MBOAT1: variants seen among roughly 807,000 people sequenced by gnomAD.
MBOAT1 encodes membrane bound glycerophospholipid O-acyltransferase 1.
MBOAT1 carries 67 observed loss-of-function variants against 64.4 expected under a neutral mutation model. The ratio of observed to expected loss-of-function variants is 1.04; its 90% confidence interval spans 0.85 to 1.27. The LOEUF is 1.27. MBOAT1 is among the 50% of genes most tolerant of loss of function. The pLI, the probability that MBOAT1 is intolerant of heterozygous loss-of-function variation, is 0.00. For synonymous variants in MBOAT1, 229 were observed against 218.9 expected, an observed-to-expected ratio of 1.05 and a Z score of -0.41; for missense variants, 563 against 604.6, an observed-to-expected ratio of 0.93 and a Z score of 0.72.
chr6:20,119,804 G>A (rs1760439187), intron 8 of MBOAT1, among the ~76,000 whole-genome samples: 1 of 152,150 alleles, frequency 6.6e-6, no homozygotes, highest in Non-Finnish European at 1.5e-5. Context: ...GAACTAATTC[G>A]TGAGTGACAG....
In MBOAT1 at chr6:20,141,359, CTTTTTT is replaced by C. The variant is rs755615744; in HGVS notation, c.419+2855_419+2860del. 4.3e-3 allele frequency among the ~76,000 whole-genome samples: 434 copies of C among 99,820 alleles called. 1 individual carries two copies. The highest frequency in any genetic ancestry group is 0.013 in the African/African-American group (410 of 30,652). The allele number at this position is 99,820 out of a possible 152,430, so 65.5% of individuals were successfully genotyped here. A position where few individuals can be genotyped will look rare whatever the true frequency, so the allele number is the denominator to read the frequency against. ...CATTTTTTCTTTTCTTTTTCTTTTTCTTTTTTTTTTTTTTTTTTTTGACACAGGGTC... is the reference window on the plus strand; with the variant it reads ...CATTTTTTCTTTTCTTTTTCTTTTTCTTTTTTTTTTTTTTGACACAGGGTC... On this transcript the variant is annotated intron_variant, in intron 4 of 12. Coordinates refer to ENST00000324607, the MANE Select transcript of MBOAT1 (RefSeq NM_001080480.3).
intron 1 of MBOAT1, among the ~76,000 whole-genome samples, chr6:20,186,144 C>CTGTA (rs1333752324): frequency 2.6e-5 from 4 of 152,218 alleles, no homozygotes; most frequent in Non-Finnish European, 5.9e-5. Context: ...GATAGTGCCA[C>CTGTA]TGTACTCCAG....
chr6:20,170,062 C>T (rs1762145928), intron 1 of MBOAT1, among the ~76,000 whole-genome samples: 3 of 152,174 alleles, frequency 2.0e-5, no homozygotes, highest in Admixed American at 2.0e-4. Flanking sequence ...ATTCCCACAG[C>T]TGTCTTCTCT....
rs577024510 is a variant in MBOAT1 at position 20,198,074 on chromosome 6, A to C, written c.99+14062T>G. Among the ~76,000 whole-genome samples, 27 of 151,714 alleles carry C rather than the reference A, an allele frequency of 1.8e-4. No homozygotes were observed. In the South Asian group the frequency reaches 5.0e-3, roughly 28 times the overall value. On this transcript the variant is annotated intron_variant, in intron 1 of 12. Transcript: ENST00000324607. ...AACCCCATTTCTACTAAAAATACAA[A>C]AAAATTAGCCAGGCATGGTGGCAGG...
chr6:20,128,251 A>G (rs916332712), intron 6 of MBOAT1, among the ~76,000 whole-genome samples: 3 of 152,026 alleles, frequency 2.0e-5, no homozygotes, highest in Non-Finnish European at 4.4e-5. Context: ...TAACTCAGCT[A>G]TACTCACCTC....
intron 6 of MBOAT1, among the ~76,000 whole-genome samples, chr6:20,126,973 T>A (rs1760672881): frequency 6.6e-6 from 1 of 152,134 alleles, no homozygotes; most frequent in Non-Finnish European, 1.5e-5. Flanking sequence ...CAAGTGCAAC[T>A]CAGGCTGGGA....
intron 1 of MBOAT1, among the ~76,000 whole-genome samples, chr6:20,180,947 C>T (rs1454265917): frequency 6.6e-6 from 1 of 152,126 alleles, no homozygotes; most frequent in African/African-American, 2.4e-5. Context: ...TGACCAGGAA[C>T]CAGTTTGATT....
chr6:20,135,207 AT>A (rs1034992450), intron 4 of MBOAT1, among the ~76,000 whole-genome samples: 11 of 151,986 alleles, frequency 7.2e-5, no homozygotes, highest in African/African-American at 2.4e-4. Context: ...TGTCCTATAC[AT>A]TTTTTTCATT....
chr6:20,106,080 C>T (rs566927005), intron 12 of MBOAT1, among the ~76,000 whole-genome samples: 2 of 152,292 alleles, frequency 1.3e-5, no homozygotes, highest in African/African-American at 4.8e-5. Flanking sequence ...AAAGGGTTTG[C>T]ATACAACTGT....
intron 1 of MBOAT1, among the ~76,000 whole-genome samples, chr6:20,159,617 G>A (rs938929538): frequency 9.2e-5 from 14 of 152,078 alleles, no homozygotes; most frequent in Non-Finnish European, 5.9e-5. Context: ...ACCAGAGGCT[G>A]GGGGTGGAAG....
intron 4 of MBOAT1, among the ~76,000 whole-genome samples, chr6:20,142,480 C>T (rs979158217): frequency 8.5e-5 from 13 of 152,112 alleles, no homozygotes; most frequent in Admixed American, 8.5e-4. Context: ...GAGACGGTCT[C>T]GCTCTGCCAC....
chr6:20,205,615 C>T (rs907314390), intron 1 of MBOAT1, among the ~76,000 whole-genome samples: 2 of 152,126 alleles, frequency 1.3e-5, no homozygotes, highest in Non-Finnish European at 2.9e-5. Flanking sequence ...GCATGGAGAC[C>T]GCCCATCTTC....
chr6:20,161,583 T>C (rs1761862794), intron 1 of MBOAT1, among the ~76,000 whole-genome samples: 1 of 152,136 alleles, frequency 6.6e-6, no homozygotes, highest in Admixed American at 6.5e-5. Context: ...GGCACAGTGA[T>C]ACACCTTCCA....
chr6:20,109,528 G>T, intron 12 of MBOAT1, 70 bp downstream of exon 12: 1 of 1,539,600 alleles, frequency 6.5e-7, no homozygotes. Context: ...TCAATTTACT[G>T]CCTCCTAAGT....
chr6:20,151,391 T>C (rs1034439751), intron 2 of MBOAT1, 129 bp from the exon 3 acceptor site: 24 of 604,230 alleles, frequency 4.0e-5, no homozygotes, highest in Non-Finnish European at 7.0e-5. Context: ...CAGTAACTCA[T>C]GTTTATGTGA....
At chr6:20,124,916 G>C (rs1046672744) in intron 7 of MBOAT1, among the ~76,000 whole-genome samples, 6 of 152,154 alleles carry the variant, frequency 3.9e-5, no homozygotes, top group Non-Finnish European at 8.8e-5. Context: ...TGGATAACAG[G>C]GTGGCAAGTT....
intron 3 of MBOAT1, among the ~76,000 whole-genome samples, chr6:20,146,218 T>A (rs998681858): frequency 6.6e-6 from 1 of 152,202 alleles, no homozygotes; most frequent in Non-Finnish European, 1.5e-5. Flanking sequence ...TGTTAAATTA[T>A]ATTGAAATCA....
intron 12 of MBOAT1, among the ~76,000 whole-genome samples, chr6:20,103,646 C>T (rs1311416999): frequency 6.6e-6 from 1 of 152,138 alleles, no homozygotes; most frequent in East Asian, 1.9e-4. Context: ...AGGCTGGTCT[C>T]GAACTCCCAG....
chr6:20,181,631 G>C (rs1440179888), intron 1 of MBOAT1, among the ~76,000 whole-genome samples: 1 of 152,210 alleles, frequency 6.6e-6, no homozygotes, highest in African/African-American at 2.4e-5. Flanking sequence ...TCTAGAGAAA[G>C]AAGTAAAACA....
Sources: gnomAD v4.1 joint callset for allele counts (sites outside exome capture counted in the v4.1 genomes callset) on GRCh38, gnomAD v4.1.1 for gene constraint, MANE v1.5 for transcripts, NCBI Gene and HGNC (gene_info 2026-07-23, HGNC 2026-07-21) for gene names.